DST: variants seen among roughly 807,000 people sequenced by gnomAD.
The protein encoded by DST is dystonin, also known as bullous pemphigoid antigen.
DST carries 253 observed loss-of-function variants against 875.2 expected under a neutral mutation model. The ratio of observed to expected loss-of-function variants is 0.29; its 90% CI spans 0.26 to 0.32. The LOEUF is 0.32. DST is among the 10% of genes least tolerant of loss of function. The pLI, the probability that DST is intolerant of heterozygous loss-of-function variation, is 1.00. For synonymous variants in DST, 3,124 were observed against 3,197.1 expected (o/e 0.98, Z 0.77); for missense variants, 8,287 against 9,111.6 (o/e 0.91, Z 3.68).
chr6:56,874,826 T>A (rs1192696009), intron 3 of DST, among the ~76,000 whole-genome samples: 1 of 152,306 alleles, frequency 6.6e-6, no homozygotes, highest in East Asian at 1.9e-4. Context: ...AAGGTGAGAT[T>A]CCTCAGACTA....
intron 73 of DST, 47 bp from the exon 74 acceptor site, chr6:56,509,920 A>G (rs1015927985): frequency 4.4e-6 from 6 of 1,365,556 alleles, no homozygotes; most frequent in African/African-American, 4.4e-5. Context: ...GATCTGTAAT[A>G]CCAAGTGTGA....
intron 5 of DST, among the ~76,000 whole-genome samples, chr6:56,719,753 G>A (rs749816693): frequency 1.8e-4 from 28 of 152,210 alleles, no homozygotes; most frequent in South Asian, 6.2e-4. Flanking sequence ...AAAGCTGGGC[G>A]TCTGGGGGAG....
rs893138711 is a variant in DST at position 56,610,556 on chromosome 6, T to C, written c.5154A>G (p.Thr1718=). 2 of 1,577,548 alleles carry C rather than the reference T, an allele frequency of 1.3e-6. No homozygotes were observed. Among genetic ancestry groups the C allele is most frequent in the Admixed American group, 1.9e-5 (1 of 53,826 alleles). ...TTTCCAATTCATTTCTTTCTTCATC[T>C]GTCATTCTAAATAACCAGAAATGAT... ...LFLAKHGDKM[T]DEERNELEKQ... The change falls in exon 39 of 104, where the codon ACA becomes ACG. Residue 1718 remains threonine (T), a synonymous_variant. Transcript: ENST00000680361.
rs2098593939 is a variant in DST, at chr6:56,614,558, C to G, written c.4930-74G>C. The G allele has an allele frequency of 2.2e-6, 3 of 1,374,838 alleles. No homozygotes were observed. The South Asian group carries it at 6.3e-5, about 29-fold the overall frequency. The allele number at this position is 1,374,838 out of a possible 1,614,324, so 85.2% of individuals were successfully genotyped here. ...AGCTATTAAACTGACCTCTCCATAG[C>G]AAACAAGAATGTAAAAATTTTTTTT... On this transcript the variant is annotated intron_variant, in intron 36 of 103. Coordinates refer to ENST00000680361, the MANE Select transcript of DST (RefSeq NM_001374736.1).
chr6:56,679,985 C>A (rs535919807), intron 9 of DST, among the ~76,000 whole-genome samples: 204 of 152,196 alleles, frequency 1.3e-3, no homozygotes, highest in African/African-American at 4.6e-3. Context: ...AACTTCCTAG[C>A]GATCTCATTC....
chr6:56,740,252 G>C (rs1361382425), intron 4 of DST, among the ~76,000 whole-genome samples: 1 of 152,158 alleles, frequency 6.6e-6, no homozygotes, highest in Non-Finnish European at 1.5e-5. Context: ...ACCCTCTCTT[G>C]GGGTTTGAAT....
chr6:56,767,668 A>G (rs1458469810), intron 4 of DST, among the ~76,000 whole-genome samples: 1 of 151,902 alleles, frequency 6.6e-6, no homozygotes, highest in African/African-American at 2.4e-5. Flanking sequence ...ACAAATAAGT[A>G]TTAGAGGATG....
At position 56,843,281 on chromosome 6, in the gene DST, A is replaced by G. The variant is rs867439939; in HGVS notation, c.625+8116T>C. 50 of 1,249,678 alleles carry G rather than the reference A, an allele frequency of 4.0e-5. No individual in the cohort carries two copies. In the Middle Eastern group the frequency reaches 6.2e-4, roughly 15 times the overall value. The allele number at this position is 1,249,678 out of a possible 1,614,324, so 77.4% of individuals were successfully genotyped here. On this transcript the variant is annotated intron_variant, in intron 4 of 103. Coordinates refer to ENST00000680361, the MANE Select transcript of DST (RefSeq NM_001374736.1). ...GCAGCACGCTGGGGAGAAGCACGGA[A>G]GCCGAAGACGCAGAGCGGGGGCGCA...
chr6:56,611,875 G>T (rs1002644916), intron 37 of DST, among the ~76,000 whole-genome samples: 3 of 152,168 alleles, frequency 2.0e-5, no homozygotes, highest in Admixed American at 6.5e-5. Context: ...GTCCAGCCGT[G>T]GATAAAGGTG....
intron 5 of DST, among the ~76,000 whole-genome samples, chr6:56,733,509 T>A (rs1480023789): frequency 6.6e-6 from 1 of 152,118 alleles, no homozygotes; most frequent in Non-Finnish European, 1.5e-5. Flanking sequence ...ATTTAGACTA[T>A]CTCATTTAAA....
At position 56,598,015 on chromosome 6, in the gene DST, G is replaced by A; in HGVS notation, c.11929-9C>T. The A allele has an allele frequency of 1.9e-6, 3 of 1,572,738 alleles. No individual in the cohort carries two copies. Among genetic ancestry groups the A allele is most frequent in the South Asian group, 1.2e-5 (1 of 82,070 alleles). On this transcript the variant is annotated splice_polypyrimidine_tract_variant and intron_variant, in intron 46 of 103. Coordinates refer to ENST00000680361, the MANE Select transcript of DST (RefSeq NM_001374736.1). ...TGCTTCACTGCTGCTACCTGGGAAGGGAAAGTTCACAGGAGGAATTCAGAA... is the reference window on the plus strand; with the variant it reads ...TGCTTCACTGCTGCTACCTGGGAAGAGAAAGTTCACAGGAGGAATTCAGAA...
At chr6:56,697,561 A>C (rs1009262338) in intron 9 of DST, among the ~76,000 whole-genome samples, 2 of 152,214 alleles carry the variant, frequency 1.3e-5, no homozygotes, top group Non-Finnish European at 2.9e-5. Context: ...ATGAACAGAA[A>C]CACATTTTTT....
chr6:56,570,865 T>G (rs1257933449), intron 53 of DST, among the ~76,000 whole-genome samples: 1 of 152,232 alleles, frequency 6.6e-6, no homozygotes, highest in Non-Finnish European at 1.5e-5. Flanking sequence ...CTTTATGTGA[T>G]GCTGAATGCC....
chr6:56,600,976 C>T (rs549906622), intron 44 of DST, among the ~76,000 whole-genome samples: 2 of 152,098 alleles, frequency 1.3e-5, no homozygotes, highest in East Asian at 3.9e-4. Context: ...TTCCAATCTA[C>T]CAATGATTAA....
In DST at chr6:56,573,892, T is replaced by A; in HGVS notation, c.13028-5A>T. 1 of 1,605,294 alleles carries A rather than the reference T, an allele frequency of 6.2e-7. No homozygotes were observed. Among genetic ancestry groups the A allele is most frequent in the Non-Finnish European group, 8.5e-7 (1 of 1,173,352 alleles). ...CATATCTCCCAACAATGTCATCTAC[T>A]CCAAACAGATCAGGAATATTAACCA... On this transcript the variant is annotated splice_polypyrimidine_tract_variant and splice_region_variant and intron_variant, in intron 50 of 103. Transcript: ENST00000680361.
rs1159715556 is a variant in DST at position 56,895,160 on chromosome 6, A to AC, written c.417+5260dup. ...GGGAGGCTGGCCGGGCGGGGGGCTG[A>AC]CCCCCCCCACCTCCCTCCCGGACGG... On this transcript the variant is annotated intron_variant, in intron 3 of 103. Transcript: ENST00000680361. Among the ~76,000 whole-genome samples, 78 of 57,310 alleles carry AC rather than the reference A, an allele frequency of 1.4e-3. 7 individuals are homozygous for AC. The highest frequency in any genetic ancestry group is 5.3e-3 in the African/African-American group (45 of 8,526). 37.6% of individuals were successfully genotyped at this position (57,310 alleles called of 152,430 possible).
Position 56,537,791 on chromosome 6 carries a change from A to C in DST, c.16609-851T>G, listed in dbSNP as rs111723415. Among the ~76,000 whole-genome samples, 1,482 of 152,344 alleles carry C rather than the reference A, an allele frequency of 9.7e-3. 26 individuals carry two copies. The highest frequency in any genetic ancestry group is 0.033 in the African/African-American group (1,364 of 41,584). ...AAAGGATTTAATGTGCTAGATTAAA[A>C]TACAAGTGCCATGAAAGCAGAAATT... On this transcript the variant is annotated intron_variant, in intron 61 of 103. Transcript: ENST00000680361.
intron 4 of DST, among the ~76,000 whole-genome samples, chr6:56,846,254 C>T (rs1232570778): frequency 6.6e-6 from 1 of 152,150 alleles, no homozygotes; most frequent in Non-Finnish European, 1.5e-5. Flanking sequence ...TATTTAATCA[C>T]CACAACCATG....
At chr6:56,740,203 T>C (rs1207264596) in intron 4 of DST, among the ~76,000 whole-genome samples, 1 of 152,034 alleles carries the variant, frequency 6.6e-6, no homozygotes, top group African/African-American at 2.4e-5. Flanking sequence ...CTTTATTCTG[T>C]GGACTCACCC....
Sources: allele counts gnomAD v4.1 joint callset (sites outside exome capture counted in the v4.1 genomes callset), GRCh38; gene constraint gnomAD v4.1.1; transcripts MANE v1.5; gene names NCBI Gene and HGNC (gene_info 2026-07-23, HGNC 2026-07-21).